Variants in WWOX observed in about 807,000 individuals in gnomAD.
WWOX encodes WW domain containing oxidoreductase.
In WWOX, 69 loss-of-function variants were observed where a neutral mutation model predicts 46.2. The ratio of observed to expected loss-of-function variants is 1.49; its 90% CI spans 1.23 to 1.82. The LOEUF is 1.82. Among genes scored for constraint, WWOX ranks in the 40% most tolerant of loss-of-function variants. WWOX has a pLI of 0.00. For missense variants in WWOX, 919 were observed against 542.6 expected (o/e 1.69, Z -6.89); for synonymous variants, 359 against 202.6 (o/e 1.77, Z -6.56).
At chr16:78,247,894 G>A (rs930820370) in intron 5 of WWOX, among the ~76,000 whole-genome samples, 7 of 152,200 alleles carry the variant, frequency 4.6e-5, no homozygotes, top group African/African-American at 1.7e-4. Flanking sequence ...TGGAGCCTTG[G>A]CGATCCATAG....
intron 8 of WWOX, among the ~76,000 whole-genome samples, chr16:78,437,562 T>C (rs1159087681): frequency 1.3e-5 from 2 of 151,238 alleles, no homozygotes; most frequent in Non-Finnish European, 2.9e-5. Flanking sequence ...TAAAGCCATG[T>C]CTCTGCCTCC....
At chr16:78,960,987 G>C (rs1260014204) in intron 8 of WWOX, among the ~76,000 whole-genome samples, 1 of 152,120 alleles carries the variant, frequency 6.6e-6, no homozygotes, top group African/African-American at 2.4e-5. Context: ...TATTCTCCAT[G>C]GAGTATCTTT....
chr16:78,872,459 A>G (rs2044148686), intron 8 of WWOX, among the ~76,000 whole-genome samples: 1 of 152,216 alleles, frequency 6.6e-6, no homozygotes, highest in Non-Finnish European at 1.5e-5. Flanking sequence ...GAGATGAGAC[A>G]GTGAATTACA....
intron 8 of WWOX, among the ~76,000 whole-genome samples, chr16:78,517,253 G>A (rs1412309577): frequency 6.6e-6 from 1 of 152,110 alleles, no homozygotes; most frequent in Non-Finnish European, 1.5e-5. Flanking sequence ...CAAAATATTT[G>A]TCAGATGTAA....
intron 8 of WWOX, among the ~76,000 whole-genome samples, chr16:79,018,044 C>T (rs952646582): frequency 1.1e-4 from 17 of 151,848 alleles, no homozygotes; most frequent in Admixed American, 2.0e-4. Context: ...GTAGTCAAGG[C>T]AAAAAAGGGA....
At chr16:78,946,120 A>G (rs2045943797) in intron 8 of WWOX, among the ~76,000 whole-genome samples, 1 of 151,972 alleles carries the variant, frequency 6.6e-6, no homozygotes, top group Non-Finnish European at 1.5e-5. Flanking sequence ...CCTCCAGTTA[A>G]TTTTACTTTA....
At chr16:78,174,367 G>A (rs1294363695) in intron 5 of WWOX, among the ~76,000 whole-genome samples, 3 of 152,036 alleles carry the variant, frequency 2.0e-5, no homozygotes, top group Admixed American at 6.6e-5. Flanking sequence ...GGGAAAGACC[G>A]GCCCCCATGA....
At chr16:78,481,724 A>AGTGTGTGTGT (rs67780639) in intron 8 of WWOX, among the ~76,000 whole-genome samples, 3,068 of 136,948 alleles carry the variant, frequency 0.022, 46 homozygotes, top group African/African-American at 0.025. Context: ...GGGCAAGGGA[A>AGTGTGTGTGT]GTGTGTGTGT....
chr16:78,928,021 T>G (rs574808924), intron 8 of WWOX, among the ~76,000 whole-genome samples: 4 of 152,232 alleles, frequency 2.6e-5, no homozygotes, highest in African/African-American at 9.6e-5. Flanking sequence ...GAAGTCTTGC[T>G]AGAATGCATA....
chr16:78,920,730 T>C (rs2045358761), intron 8 of WWOX, among the ~76,000 whole-genome samples: 1 of 152,146 alleles, frequency 6.6e-6, no homozygotes, highest in African/African-American at 2.4e-5. Flanking sequence ...TGACCTACTT[T>C]TTATTATCAG....
At chr16:78,883,350 A>C (rs1002236981) in intron 8 of WWOX, among the ~76,000 whole-genome samples, 10 of 152,202 alleles carry the variant, frequency 6.6e-5, no homozygotes, top group Middle Eastern at 3.2e-3. Context: ...ACCCTGAATC[A>C]GAAAAAGGAC....
At chr16:79,118,959 T>C (rs576349976) in intron 8 of WWOX, among the ~76,000 whole-genome samples, 1 of 152,358 alleles carries the variant, frequency 6.6e-6, no homozygotes, top group East Asian at 1.9e-4. Context: ...ACTTTTGGTG[T>C]CATAAGGAGT....
intron 8 of WWOX, among the ~76,000 whole-genome samples, chr16:78,636,344 A>C (rs1300478366): frequency 1.3e-5 from 2 of 152,158 alleles, no homozygotes; most frequent in African/African-American, 4.8e-5. Context: ...GAATAAACCA[A>C]GTTTGGCCTC....
rs560168195 is a variant in WWOX, at chr16:79,056,913, C to A, written c.1057-154695C>A. 4.6e-5 allele frequency among the ~76,000 whole-genome samples: 7 copies of A among 152,268 alleles called. No homozygotes were observed. In the South Asian group the frequency reaches 1.5e-3, roughly 32 times the overall value. On this transcript the variant is annotated intron_variant, in intron 8 of 8. Transcript: ENST00000566780. ...CACTTCAAACCTACAAAACATAGTG[C>A]TAAAATTAAGGAGTGTATAGTCGTG...
intron 8 of WWOX, among the ~76,000 whole-genome samples, chr16:78,778,976 C>A (rs1295039283): frequency 6.6e-6 from 1 of 152,172 alleles, no homozygotes; most frequent in Non-Finnish European, 1.5e-5. Flanking sequence ...CCAAATGCTG[C>A]TTCTGATCTC....
intron 8 of WWOX, among the ~76,000 whole-genome samples, chr16:78,909,952 C>A (rs935921094): frequency 6.6e-6 from 1 of 152,094 alleles, no homozygotes; most frequent in Non-Finnish European, 1.5e-5. Context: ...ATCTTCTCTC[C>A]CTGGTACATA....
intron 8 of WWOX, among the ~76,000 whole-genome samples, chr16:78,500,160 G>T (rs1462916189): frequency 6.6e-6 from 1 of 152,154 alleles, no homozygotes; most frequent in African/African-American, 2.4e-5. Flanking sequence ...TAGCTTTTTG[G>T]TGTAGAATTT....
intron 8 of WWOX, among the ~76,000 whole-genome samples, chr16:78,861,971 C>T (rs1017245171): frequency 9.9e-5 from 15 of 152,086 alleles, no homozygotes; most frequent in African/African-American, 3.6e-4. Context: ...TAGTAGGAGT[C>T]TCTGGAGAAA....
chr16:78,429,380 C>T (rs1324091217), intron 7 of WWOX, among the ~76,000 whole-genome samples: 2 of 152,164 alleles, frequency 1.3e-5, no homozygotes, highest in African/African-American at 4.8e-5. Context: ...CCTTGCATGG[C>T]TTCTTTCATT....
Sources: allele counts gnomAD v4.1 joint callset (sites outside exome capture counted in the v4.1 genomes callset), GRCh38; gene constraint gnomAD v4.1.1; transcripts MANE v1.5; gene names NCBI Gene and HGNC (gene_info 2026-07-23, HGNC 2026-07-21).